Variants in TLN2 observed in about 807,000 individuals in gnomAD.
TLN2 encodes talin 2, also known as talin-2.
In TLN2, 118 loss-of-function variants were observed where a neutral mutation model predicts 294.7. The observed-to-expected ratio is 0.40, with a 90% confidence interval of 0.34 to 0.47. The LOEUF is 0.47. TLN2 is among the 20% of genes least tolerant of loss of function. The probability of loss-of-function intolerance (pLI) is 0.84; values close to 1 mark genes in which losing one functional copy is unlikely to be tolerated. For missense variants in TLN2, 3,083 were observed against 3,282.2 expected, an observed-to-expected ratio of 0.94 and a Z score of 1.48; for synonymous variants, 1,431 against 1,304.5, an observed-to-expected ratio of 1.10 and a Z score of -2.09.
intron 11 of TLN2, among the ~76,000 whole-genome samples, chr15:62,679,790 T>C (rs1167614300): frequency 6.6e-6 from 1 of 152,222 alleles, no homozygotes; most frequent in African/African-American, 2.4e-5. Flanking sequence ...AGAATGACAT[T>C]GATACAATCC....
At position 62,631,502 on chromosome 15, in the gene TLN2, TTTTC is replaced by T. The variant is rs146439322; in HGVS notation, c.-37+13042_-37+13045del. Among the ~76,000 whole-genome samples the T allele has an allele frequency of 2.1e-3, 293 of 139,722 alleles. 3 individuals carry two copies. The highest frequency in any genetic ancestry group is 9.5e-3 in the East Asian group (45 of 4,746). 91.7% of individuals were successfully genotyped at this position (139,722 alleles called of 152,430 possible). On this transcript the variant is annotated intron_variant, in intron 3 of 58. Transcript: ENST00000636159. ...TCTTTTCTTTCTTTCTTTCTTCCTC[TTTTC>T]TTTCTTTCTTTCTTCCTTTCCTTTC...
At chr15:62,544,661 ACT>A (rs1458350842) in intron 1 of TLN2, among the ~76,000 whole-genome samples, 1 of 151,444 alleles carries the variant, frequency 6.6e-6, no homozygotes, top group African/African-American at 2.4e-5. Context: ...TTTTCCATCA[ACT>A]CTGTCATCAT....
chr15:62,499,687 C>T (rs143232115), intron 1 of TLN2, among the ~76,000 whole-genome samples: 45 of 152,202 alleles, frequency 3.0e-4, no homozygotes, highest in Non-Finnish European at 5.7e-4. Flanking sequence ...CCGCAACCTC[C>T]ACCTCCTGGG....
At chr15:62,795,408 A>AC (rs1369200070) in intron 46 of TLN2, among the ~76,000 whole-genome samples, 1 of 152,122 alleles carries the variant, frequency 6.6e-6, no homozygotes. Context: ...ATGTCATAGG[A>AC]AAGTACCTCG....
chr15:62,390,713 C>T (rs1466437217), intron 1 of TLN2, 28 bp downstream of exon 1: 4 of 152,122 alleles, frequency 2.6e-5, no homozygotes, highest in Admixed American at 2.6e-4. Flanking sequence ...CTCGGGTTTT[C>T]CTCTTCCTCC....
chr15:62,657,286 G>C (rs967777522), intron 8 of TLN2, among the ~76,000 whole-genome samples: 1 of 151,830 alleles, frequency 6.6e-6, no homozygotes. Context: ...GTTCTTGTCT[G>C]TGTGTGTGTG....
rs201086074 is a variant in TLN2, at chr15:62,698,837, C to T, written c.1557C>T (p.Leu519=). 24 of 1,612,734 alleles carry T rather than the reference C, an allele frequency of 1.5e-5. No individual in the cohort carries two copies. The highest frequency in any genetic ancestry group is 9.3e-5 in the African/African-American group (7 of 74,900). Residue 519 remains leucine (L), a synonymous_variant, in exon 16 of 59, where the codon CTC becomes CTT. Coordinates refer to ENST00000636159, the MANE Select transcript of TLN2 (RefSeq NM_015059.3). ...AGGCCCAGGATGATCTCAGTGAGCTCGACTCGCTGCCACCTCTCGGCCAGG... is the reference window on the plus strand; with the variant it reads ...AGGCCCAGGATGATCTCAGTGAGCTTGACTCGCTGCCACCTCTCGGCCAGG... ...VQQAQDDLSE[L]DSLPPLGQDM...
intron 1 of TLN2, among the ~76,000 whole-genome samples, chr15:62,564,226 G>A (rs2043203807): frequency 6.6e-6 from 1 of 152,184 alleles, no homozygotes; most frequent in Non-Finnish European, 1.5e-5. Flanking sequence ...TGGTGCCTCA[G>A]CCTCAGGCCT....
intron 52 of TLN2, among the ~76,000 whole-genome samples, chr15:62,811,022 A>G (rs1381472522): frequency 6.6e-6 from 1 of 152,202 alleles, no homozygotes; most frequent in African/African-American, 2.4e-5. Context: ...AGACCCAGAA[A>G]GCTTGTCCCT....
chr15:62,596,264 CAA>C (rs71129015), intron 2 of TLN2, among the ~76,000 whole-genome samples: 5 of 81,648 alleles, frequency 6.1e-5, no homozygotes, highest in Admixed American at 1.5e-4. Context: ...GACTCCATCT[CAA>C]AAAAAAAAAA....
At chr15:62,776,674 G>T in intron 42 of TLN2, 90 bp from the exon 43 acceptor site, 1 of 1,221,512 alleles carries the variant, frequency 8.2e-7, no homozygotes, top group South Asian at 3.3e-5. Context: ...GTGGGGGTAT[G>T]GTTTTATATT....
chr15:62,788,324 CAAA>C (rs1172737844), intron 45 of TLN2, among the ~76,000 whole-genome samples: 1 of 152,046 alleles, frequency 6.6e-6, no homozygotes, highest in African/African-American at 2.4e-5. Flanking sequence ...AAAAAAGAAA[CAAA>C]GAATTTCCTT....
chr15:62,759,492 A>G (rs895975489), intron 37 of TLN2, among the ~76,000 whole-genome samples: 9 of 152,254 alleles, frequency 5.9e-5, no homozygotes, highest in African/African-American at 1.9e-4. Flanking sequence ...TGTGACACCT[A>G]CACAATTAGA....
intron 7 of TLN2, among the ~76,000 whole-genome samples, chr15:62,655,480 G>T (rs1203823957): frequency 2.0e-5 from 3 of 152,118 alleles, no homozygotes; most frequent in Non-Finnish European, 4.4e-5. Context: ...GAGATCAGAG[G>T]TAACTTACTA....
intron 43 of TLN2, among the ~76,000 whole-genome samples, chr15:62,778,548 T>C (rs2063880846): frequency 6.6e-6 from 1 of 152,262 alleles, no homozygotes; most frequent in African/African-American, 2.4e-5. Context: ...CCTAGGAAGA[T>C]GGACGTCAGA....
rs756032465 is a variant in TLN2 at position 62,797,388 on chromosome 15, G to A, written c.6220G>A (p.Asp2074Asn). Residue 2074 changes from aspartate (D) to asparagine (N), a missense_variant, in exon 48 of 59, where the codon GAC (aspartate) becomes AAC (asparagine). By Grantham distance (23) the Asp-to-Asn change is conservative. Transcript: ENST00000636159. ...GGGGGCAGCCAGCCTGGGCTCCGAC[G>A]ACCCCGAGACCCAGGTACCAGCAGG... ...KLGAASLGSD[D>N]PETQVVLINA... is the part of the protein sequence containing the mutation. The A allele has an allele frequency of 3.7e-6, 6 of 1,601,068 alleles. No homozygotes were observed. Among genetic ancestry groups the A allele is most frequent in the South Asian group, 2.2e-5 (2 of 90,118 alleles).
At chr15:62,761,657 A>C in intron 37 of TLN2, 24 bp from the exon 38 acceptor site, 1 of 1,613,986 alleles carries the variant, frequency 6.2e-7, no homozygotes, top group Non-Finnish European at 8.5e-7. Flanking sequence ...AATTGGGCAG[A>C]ATCTCCCTGT....
At chr15:62,839,269 A>G (rs1340485016) in intron 58 of TLN2, among the ~76,000 whole-genome samples, 1 of 152,200 alleles carries the variant, frequency 6.6e-6, no homozygotes. Context: ...AGCTGCAGGC[A>G]TTACGTCCTC....
At position 62,610,223 on chromosome 15, in the gene TLN2, T is replaced by G. The variant is rs564230957; in HGVS notation, c.-161-8128T>G. Among the ~76,000 whole-genome samples, 3 of 152,312 alleles carry G rather than the reference T, an allele frequency of 2.0e-5. No homozygotes were observed. In the East Asian group the frequency reaches 5.8e-4, roughly 29 times the overall value. ...GACAGAGTTAAGGAATTCCATTGAT[T>G]GTTGTTATTTACAGTAATTATTTTA... On this transcript the variant is annotated intron_variant, in intron 2 of 58. Coordinates refer to ENST00000636159, the MANE Select transcript of TLN2 (RefSeq NM_015059.3).
Sources: allele counts gnomAD v4.1 joint callset (sites outside exome capture counted in the v4.1 genomes callset), GRCh38; gene constraint gnomAD v4.1.1; transcripts MANE v1.5; gene names NCBI Gene and HGNC (gene_info 2026-07-23, HGNC 2026-07-21).